Variants in CHD7 observed in about 807,000 individuals in gnomAD.
CHD7 encodes ATP-dependent chromatin remodeler CHD7.
In CHD7, 24 loss-of-function variants were observed where a neutral mutation model predicts 307.3. The observed-to-expected ratio is 0.08, with a 90% CI of 0.06 to 0.11. The LOEUF (loss-of-function observed/expected upper bound fraction) is 0.11, where lower values mean the gene tolerates loss of function less well. Among genes scored for constraint, CHD7 ranks in the 10% least tolerant of loss-of-function variants. The pLI, the probability that CHD7 is intolerant of heterozygous loss-of-function variation, is 1.00. For synonymous variants in CHD7, 1,363 were observed against 1,349.9 expected (o/e 1.01, Z -0.21); for missense variants, 3,106 against 3,727.1 (o/e 0.83, Z 4.34).
At chr8:60,691,147 A>T (rs1214096693) in intron 1 of CHD7, among the ~76,000 whole-genome samples, 3 of 152,128 alleles carry the variant, frequency 2.0e-5, no homozygotes, top group African/African-American at 7.2e-5. Context: ...GCTGGTCTCG[A>T]ACTCCTCACC....
chr8:60,703,104 G>A (rs1358586235), intron 1 of CHD7, among the ~76,000 whole-genome samples: 1 of 152,182 alleles, frequency 6.6e-6, no homozygotes, highest in Non-Finnish European at 1.5e-5. Context: ...CCACCACTGC[G>A]ACCATCTTCT....
intron 25 of CHD7, 34 bp from the exon 26 acceptor site, chr8:60,850,459 G>T (rs1311039272): frequency 6.3e-7 from 1 of 1,579,464 alleles, no homozygotes; most frequent in East Asian, 2.3e-5. Flanking sequence ...CTTTGTTTCT[G>T]TGTGTTTTCT....
chr8:60,694,419 A>G (rs577328723), intron 1 of CHD7, among the ~76,000 whole-genome samples: 12 of 152,254 alleles, frequency 7.9e-5, no homozygotes, highest in Non-Finnish European at 1.5e-4. Flanking sequence ...GTGGAACAGG[A>G]TAGCACAGTC....
rs1393645700 is a variant in CHD7, at chr8:60,742,875, T to G, written c.1443T>G (p.Pro481=). 1 of 1,612,326 alleles carries G rather than the reference T, an allele frequency of 6.2e-7. No homozygotes were observed. The highest frequency in any genetic ancestry group is 8.5e-7 in the Non-Finnish European group (1 of 1,179,002). Residue 481 remains proline, a synonymous_variant, in exon 2 of 38, where the codon CCT becomes CCG. Coordinates refer to ENST00000423902, the MANE Select transcript of CHD7 (RefSeq NM_017780.4). The part of the protein sequence containing the change: ...LTGHMRPNGC[P]GVGLGDPQAI... The stretch of plus-strand genomic sequence containing the variant: ...GGCACATGAGGCCAAATGGTTGTCC[T>G]GGTGTTGGCCTTGGAGACCCACAAG...
At position 60,856,147 on chromosome 8, in the gene CHD7, G is replaced by C. The variant is rs531223140; in HGVS notation, c.7109G>C (p.Gly2370Ala). 7 of 1,606,644 alleles carry C rather than the reference G, an allele frequency of 4.4e-6. No individual in the cohort carries two copies. The South Asian group carries it at 7.8e-5, about 18-fold the overall frequency. Reference protein sequence around the residue: ...KRSFAELSMVGQASISGSEDI... With the variant: ...KRSFAELSMVAQASISGSEDI... ...AGCTTTGCTGAGCTCTCCATGGTCGGCCAAGCCAGCATTAGTGGGAGTGAG... is the reference window on the plus strand; with the variant it reads ...AGCTTTGCTGAGCTCTCCATGGTCGCCCAAGCCAGCATTAGTGGGAGTGAG... The change falls in exon 33 of 38, where the codon GGC (glycine) becomes GCC (alanine). Residue 2370 changes from glycine (G) to alanine (A), a missense_variant. By Grantham distance (60) the Gly-to-Ala change is moderately conservative. Transcript: ENST00000423902.
chr8:60,695,837 C>T (rs1421833393), intron 1 of CHD7, among the ~76,000 whole-genome samples: 1 of 152,152 alleles, frequency 6.6e-6, no homozygotes, highest in Non-Finnish European at 1.5e-5. Context: ...CTTTATGCTG[C>T]TAGAATATGG....
intron 4 of CHD7, among the ~76,000 whole-genome samples, chr8:60,798,017 G>C (rs1016497186): frequency 6.6e-6 from 1 of 152,196 alleles, no homozygotes; most frequent in Admixed American, 6.5e-5. Context: ...GTATTCATAT[G>C]AGGTAGTTAC....
chr8:60,699,223 A>G (rs1806638497), intron 1 of CHD7, among the ~76,000 whole-genome samples: 2 of 152,140 alleles, frequency 1.3e-5, no homozygotes, highest in Admixed American at 1.3e-4. Context: ...AGTTTTCTAG[A>G]TTTTCCCATG....
intron 14 of CHD7, among the ~76,000 whole-genome samples, chr8:60,829,912 C>T (rs1017167014): frequency 1.3e-5 from 2 of 152,148 alleles, no homozygotes; most frequent in African/African-American, 4.8e-5. Flanking sequence ...CTAGATTGCT[C>T]CTGGCTCACT....
chr8:60,756,663 C>T (rs559424623), intron 2 of CHD7, among the ~76,000 whole-genome samples: 198 of 152,246 alleles, frequency 1.3e-3, no homozygotes, highest in African/African-American at 4.6e-3. Context: ...TGCACTCCAG[C>T]CTGGGCAGCA....
intron 34 of CHD7, among the ~76,000 whole-genome samples, chr8:60,858,635 T>G (rs1348460882): frequency 6.6e-6 from 1 of 152,212 alleles, no homozygotes; most frequent in Non-Finnish European, 1.5e-5. Flanking sequence ...TGAGACAGGG[T>G]CTCACTCTTT....
Position 60,849,033 on chromosome 8 carries a change from A to G in CHD7, c.5301-18A>G. ...TTCTTTTTTAATACTAATATTTCTT[A>G]TAAATGTTGTCTTTCAGTGAAGCCG... On this transcript the variant is annotated intron_variant, in intron 24 of 37. Coordinates refer to ENST00000423902, the MANE Select transcript of CHD7 (RefSeq NM_017780.4). 2 of 1,584,384 alleles carry G rather than the reference A, an allele frequency of 1.3e-6. No individual in the cohort carries two copies. Among genetic ancestry groups the G allele is most frequent in the Non-Finnish European group, 1.7e-6 (2 of 1,153,426 alleles).
At chr8:60,708,940 T>TA (rs1807148417) in intron 1 of CHD7, among the ~76,000 whole-genome samples, 1 of 152,144 alleles carries the variant, frequency 6.6e-6, no homozygotes, top group Admixed American at 6.5e-5. Context: ...GGCAGCATCT[T>TA]ACGATGCCCT....
chr8:60,789,218 C>T (rs928789556), intron 3 of CHD7, among the ~76,000 whole-genome samples: 2 of 152,316 alleles, frequency 1.3e-5, no homozygotes, highest in East Asian at 1.9e-4. Context: ...GTCACAAACA[C>T]CCTGCATCAC....
chr8:60,868,017 GTTTTT>G lies in CHD7; in HGVS notation c.*2088_*2092del, dbSNP rs981922322. ...TTAATAAAATGAGTCATTAAAGGGT[GTTTTT>G]TTTAAAGTTCTTTGTAGTATTGGAA... On this transcript the variant is annotated 3_prime_UTR_variant, in exon 38 of 38. Transcript: ENST00000423902. 1 of 151,908 alleles carries G rather than the reference GTTTTT, an allele frequency of 6.6e-6. No homozygotes were observed. The highest frequency in any genetic ancestry group is 1.5e-5 in the Non-Finnish European group (1 of 67,980). 9.4% of individuals were successfully genotyped at this position (151,908 alleles called of 1,614,324 possible). A position where few individuals can be genotyped will look rare whatever the true frequency, so the allele number is the denominator to read the frequency against.
At chr8:60,841,608 G>A (rs370162159) in intron 19 of CHD7, 36 bp from the exon 20 acceptor site, 9 of 1,492,324 alleles carry the variant, frequency 6.0e-6, no homozygotes, top group Non-Finnish European at 8.4e-6. Context: ...TCTGAGAAAG[G>A]CCTCTCAAAG....
At chr8:60,832,444 T>TA (rs1804560775) in intron 15 of CHD7, among the ~76,000 whole-genome samples, 1 of 152,196 alleles carries the variant, frequency 6.6e-6, no homozygotes, top group Non-Finnish European at 1.5e-5. Flanking sequence ...GTGCAGCCGT[T>TA]ACGGTGAGTG....
intron 3 of CHD7, among the ~76,000 whole-genome samples, chr8:60,784,754 A>G (rs1392024021): frequency 1.3e-5 from 2 of 152,110 alleles, no homozygotes; most frequent in South Asian, 2.1e-4. Flanking sequence ...CTGCAGGAGG[A>G]CCTAAAAGAA....
Position 60,836,144 on chromosome 8 carries a change from G to A in CHD7, c.3850G>A (p.Ala1284Thr), listed in dbSNP as rs746646687. 1.2e-6 allele frequency: 2 copies of A among 1,613,642 alleles called. No homozygotes were observed. Among genetic ancestry groups the A allele is most frequent in the African/African-American group, 1.3e-5 (1 of 75,020 alleles). ...AGAGTCTCCAGATTTTCAGCTCCAG[G>A]CAATGATCCAGGCTGCTGGCAAGCT... Reference protein sequence around the residue: ...NAESPDFQLQAMIQAAGKLVL... With the variant: ...NAESPDFQLQTMIQAAGKLVL... Residue 1284 changes from alanine (A) to threonine (T), a missense_variant, in exon 16 of 38, where the codon GCA becomes ACA. Coordinates refer to ENST00000423902, the MANE Select transcript of CHD7 (RefSeq NM_017780.4).
Sources: gnomAD v4.1 joint callset for allele counts (sites outside exome capture counted in the v4.1 genomes callset) on GRCh38, gnomAD v4.1.1 for gene constraint, MANE v1.5 for transcripts, NCBI Gene and HGNC (gene_info 2026-07-23, HGNC 2026-07-21) for gene names.